Variants in NLRP5 observed in about 807,000 individuals in gnomAD.
NLRP5 encodes the protein NACHT, LRR and PYD domains-containing protein 5.
A neutral mutation model predicts 113.1 loss-of-function variants in NLRP5; 93 were observed. The observed-to-expected ratio is 0.82, with a 90% confidence interval of 0.70 to 0.98. NLRP5 has a LOEUF of 0.98. Ranked by LOEUF, NLRP5 falls within the 50% of genes least tolerant of loss-of-function variation. The probability of loss-of-function intolerance (pLI) is 0.00; values close to 1 mark genes in which losing one functional copy is unlikely to be tolerated. For synonymous variants in NLRP5, 751 were observed against 600.7 expected, an observed-to-expected ratio of 1.25 and a Z score of -3.66; for missense variants, 1,808 against 1,514.3, an observed-to-expected ratio of 1.19 and a Z score of -3.22.
At chr19:56,040,503 G>T (rs761663157) in intron 10 of NLRP5, among the ~76,000 whole-genome samples, 14 of 152,176 alleles carry the variant, frequency 9.2e-5, no homozygotes, top group Non-Finnish European at 1.6e-4. Context: ...GAGAGCAGAG[G>T]TTGCAGTGAG....
At chr19:56,029,991 G>A (rs146475798) in intron 7 of NLRP5, among the ~76,000 whole-genome samples, 2,851 of 151,818 alleles carry the variant, frequency 0.019, 75 homozygotes, top group African/African-American at 0.066. Context: ...GGAGGCAGAG[G>A]TTGCAGTGAG....
At position 56,032,639 on chromosome 19, in the gene NLRP5, C is replaced by G; in HGVS notation, c.2305C>G (p.Gln769Glu). Residue 769 changes from glutamine (Q) to glutamate (E), a missense_variant, in exon 8 of 15, where the codon CAG becomes GAG. Gln to Glu is a conservative substitution (Grantham distance 29). Transcript: ENST00000390649. ...GCGGGATAAGACCCTCATTGAGGAGCAGTGGGAAGATTTCTGCTCCATGCT... is the reference window on the plus strand; with the variant it reads ...GCGGGATAAGACCCTCATTGAGGAGGAGTGGGAAGATTTCTGCTCCATGCT... The G allele has an allele frequency of 6.2e-7, 1 of 1,613,710 alleles. No homozygotes were observed. The highest frequency in any genetic ancestry group is 8.5e-7 in the Non-Finnish European group (1 of 1,179,772).
Position 56,053,326 on chromosome 19 carries a change from G to T in NLRP5, c.3129-312G>T, listed in dbSNP as rs549687711. 9.2e-5 allele frequency among the ~76,000 whole-genome samples: 14 copies of T among 151,968 alleles called. No homozygotes were observed. In the South Asian group the frequency reaches 2.9e-3, roughly 32 times the overall value. ...AGGGAGAATAGCTTGAACCTGGGAG[G>T]TGGAGGTTGCAGTGAGCCGAGATCA... On this transcript the variant is annotated intron_variant, in intron 12 of 14. Coordinates refer to ENST00000390649, the MANE Select transcript of NLRP5 (RefSeq NM_153447.4).
chr19:56,057,072 G>A (rs1397504552), intron 13 of NLRP5, among the ~76,000 whole-genome samples: 1 of 152,132 alleles, frequency 6.6e-6, no homozygotes, highest in African/African-American at 2.4e-5. Flanking sequence ...GGAGGTGGAG[G>A]TCGCAGTGAG....
At chr19:56,030,078 T>G (rs1319137656) in intron 7 of NLRP5, among the ~76,000 whole-genome samples, 1 of 139,984 alleles carries the variant, frequency 7.1e-6, no homozygotes, top group East Asian at 2.0e-4. Context: ...AGCCTCAAAT[T>G]ATCACATGGG....
chr19:56,012,476 C>T (rs1428603646), intron 3 of NLRP5, among the ~76,000 whole-genome samples: 4 of 142,304 alleles, frequency 2.8e-5, no homozygotes, highest in East Asian at 2.0e-4. Flanking sequence ...CCGGATAACT[C>T]GATGCAGGTT....
chr19:56,028,232 C>A lies in NLRP5; in HGVS notation c.1999C>A (p.His667Asn). ...CCTGGGGGTGAAGCAGAAGCTTCTG[C>A]ACTGGGTCTCTCTGTTGGGTCAGCA... The change falls in exon 7 of 15, where the codon CAC becomes AAC. Residue 667 changes from histidine (H) to asparagine (N), a missense_variant. Physicochemically the swap from His to Asn is moderately conservative, Grantham distance 68. Transcript: ENST00000390649. 2 of 1,613,926 alleles carry A rather than the reference C, an allele frequency of 1.2e-6. No individual in the cohort carries two copies. The highest frequency in any genetic ancestry group is 1.7e-6 in the Non-Finnish European group (2 of 1,179,906).
At position 56,028,507 on chromosome 19, in the gene NLRP5, A is replaced by T. The variant is rs770308622; in HGVS notation, c.2274A>T (p.Leu758=). The T allele has an allele frequency of 6.2e-7, 1 of 1,612,020 alleles. No homozygotes were observed. The highest frequency in any genetic ancestry group is 8.5e-7 in the Non-Finnish European group (1 of 1,179,010). ...CTGAGGCATGTCCTGTGGTCCCTCT[A>T]TGGTGAGTACCCCAGGCAGTTTTAT... The change falls in exon 7 of 15, where the codon CTA becomes CTT. Residue 758 remains leucine (L), a splice_region_variant and synonymous_variant. Transcript: ENST00000390649.
intron 12 of NLRP5, 38 bp downstream of exon 12, chr19:56,050,626 C>G (rs913791795): frequency 6.3e-7 from 1 of 1,589,038 alleles, no homozygotes; most frequent in African/African-American, 1.3e-5. Context: ...CTCTATCATA[C>G]TGGGGTCTGG....
Position 56,032,636 on chromosome 19 carries a change from G to A in NLRP5, c.2302G>A (p.Glu768Lys). 2 of 1,613,608 alleles carry A rather than the reference G, an allele frequency of 1.2e-6. No homozygotes were observed. The highest frequency in any genetic ancestry group is 1.7e-6 in the Non-Finnish European group (2 of 1,179,748). Residue 768 changes from glutamate to lysine, a missense_variant, in exon 8 of 15, where the codon GAG becomes AAG. By Grantham distance (56) the Glu-to-Lys change is moderately conservative. Transcript: ENST00000390649. Reference sequence around the variant, plus strand: ...GATGCGGGATAAGACCCTCATTGAGGAGCAGTGGGAAGATTTCTGCTCCAT... The same window carrying A: ...GATGCGGGATAAGACCCTCATTGAGAAGCAGTGGGAAGATTTCTGCTCCAT...
At chr19:56,041,308 C>T (rs1983514414) in intron 11 of NLRP5, among the ~76,000 whole-genome samples, 1 of 152,092 alleles carries the variant, frequency 6.6e-6, no homozygotes, top group Admixed American at 6.6e-5. Flanking sequence ...GTCATTTGTT[C>T]AAGGACAGTC....
At chr19:56,025,188 T>C (rs1296140600) in intron 6 of NLRP5, among the ~76,000 whole-genome samples, 1 of 152,166 alleles carries the variant, frequency 6.6e-6, no homozygotes, top group African/African-American at 2.4e-5. Flanking sequence ...CATTATATAT[T>C]ACAATGTAAT....
chr19:56,059,185 G>A (rs567366030), intron 14 of NLRP5, among the ~76,000 whole-genome samples: 45 of 152,324 alleles, frequency 3.0e-4, no homozygotes, highest in African/African-American at 7.9e-4. Context: ...CACCTAGCAG[G>A]AAGTTTCTTC....
chr19:55,993,703 A>G, the NLRP5 span, among the ~76,000 whole-genome samples: 1 of 144,072 alleles, frequency 6.9e-6, no homozygotes, highest in Non-Finnish European at 1.5e-5. Context: ...ACTCCCACAT[A>G]TGAGTAAAAT....
chr19:56,043,828 C>T (rs1315166619), intron 11 of NLRP5, among the ~76,000 whole-genome samples: 2 of 151,670 alleles, frequency 1.3e-5, no homozygotes, highest in East Asian at 3.9e-4. Context: ...TTGCCCTCCT[C>T]AGCCTCCCAA....
intron 6 of NLRP5, among the ~76,000 whole-genome samples, chr19:56,020,926 T>A (rs1000247627): frequency 2.0e-5 from 3 of 151,238 alleles, no homozygotes; most frequent in African/African-American, 7.3e-5. Context: ...CAAGCTGTAG[T>A]GCAGTGGCGG....
At chr19:56,005,656 C>T (rs929995929) in intron 2 of NLRP5, among the ~76,000 whole-genome samples, 1 of 151,126 alleles carries the variant, frequency 6.6e-6, no homozygotes, top group African/African-American at 2.4e-5. Flanking sequence ...GCGCAGGTGG[C>T]ATGCCTGCAC....
At chr19:56,007,447 C>A (rs1482335407) in intron 2 of NLRP5, among the ~76,000 whole-genome samples, 1 of 150,000 alleles carries the variant, frequency 6.7e-6, no homozygotes, top group Non-Finnish European at 1.5e-5. Flanking sequence ...AAGCTTTAGG[C>A]TGAGATAAAC....
Position 56,015,918 on chromosome 19 carries a change from G to C in NLRP5, c.565+120G>C, listed in dbSNP as rs530933068. 4.9e-4 allele frequency: 319 copies of C among 655,552 alleles called. 1 individual carries two copies. Among genetic ancestry groups the C allele is most frequent in the Non-Finnish European group, 6.2e-4 (248 of 396,864 alleles). The allele number at this position is 655,552 out of a possible 1,614,324, so 40.6% of individuals were successfully genotyped here. On this transcript the variant is annotated intron_variant, in intron 4 of 14. Coordinates refer to ENST00000390649, the MANE Select transcript of NLRP5 (RefSeq NM_153447.4). ...CCTTTCTTCATCCTCATTTGTCTCT[G>C]GTGTGTGAGTCCCTCTTCCCTAAGA...
Sources: allele counts gnomAD v4.1 joint callset (sites outside exome capture counted in the v4.1 genomes callset), GRCh38; gene constraint gnomAD v4.1.1; transcripts MANE v1.5; gene names NCBI Gene and HGNC (gene_info 2026-07-23, HGNC 2026-07-21).